MYH7B: variants seen among roughly 807,000 people sequenced by gnomAD.
MYH7B encodes myosin heavy chain 7B.
Under a neutral mutation model 234.5 loss-of-function variants are expected in MYH7B, and 205 were observed. The observed-to-expected ratio is 0.87, with a 90% CI of 0.78 to 0.98. MYH7B has a LOEUF of 0.98. Among genes scored for constraint, MYH7B ranks in the 50% least tolerant of loss-of-function variants. The pLI is 0.00. For missense variants in MYH7B, 2,652 were observed against 2,633.4 expected (o/e 1.01, Z -0.15); for synonymous variants, 1,193 against 1,105.0 (o/e 1.08, Z -1.58).
At position 34,984,954 on chromosome 20, in the gene MYH7B, G is replaced by C; in HGVS notation, c.741+8G>C. On this transcript the variant is annotated splice_region_variant and intron_variant, in intron 12 of 44. Transcript: ENST00000262873. ...GATAACTCCTCCCGCTTTGTGAGTG[G>C]CTGAGGTGGGAGGGGTGGCGGGGAT... is the stretch of plus-strand genomic sequence containing the variant. The C allele has an allele frequency of 6.2e-7, 1 of 1,612,848 alleles. No homozygotes were observed. Among genetic ancestry groups the C allele is most frequent in the Non-Finnish European group, 8.5e-7 (1 of 1,178,848 alleles).
In MYH7B at chr20:34,997,068, C is replaced by G. The variant is rs538809909; in HGVS notation, c.3267-15C>G. On this transcript the variant is annotated splice_polypyrimidine_tract_variant and intron_variant, in intron 30 of 44. Coordinates refer to ENST00000262873, the Ensembl canonical transcript of MYH7B. ...AGTTAAGGCCTGTGCTGGCCACCCA[C>G]TCTGTGGCTCCCAGGAAGGACTCCG... 1 of 1,547,856 alleles carries G rather than the reference C, an allele frequency of 6.5e-7. No individual in the cohort carries two copies. The highest frequency in any genetic ancestry group is 2.0e-5 in the Admixed American group (1 of 50,940).
At position 34,979,818 on chromosome 20, in the gene MYH7B, C is replaced by A. The variant is rs112112397; in HGVS notation, c.342+14C>A. Reference sequence around the variant, plus strand: ...TGGATGATCTATGTGAGCCCCAGGCCCGGGCCATGGGCGGGGTGGGGCTTG... The same window carrying A: ...TGGATGATCTATGTGAGCCCCAGGCACGGGCCATGGGCGGGGTGGGGCTTG... On this transcript the variant is annotated intron_variant, in intron 7 of 44. Coordinates refer to ENST00000262873, the Ensembl canonical transcript of MYH7B. 1.2e-5 allele frequency: 20 copies of A among 1,610,826 alleles called. No individual in the cohort carries two copies. Among genetic ancestry groups the A allele is most frequent in the Middle Eastern group, 1.6e-4 (1 of 6,068 alleles).
intron 16 of MYH7B, 68 bp from the exon 17 acceptor site, chr20:34,987,488 CT>C (rs1359439871): frequency 3.4e-5 from 49 of 1,461,968 alleles, no homozygotes; most frequent in Non-Finnish European, 1.9e-6. Flanking sequence ...TAGCCCCAGG[CT>C]GAGGCAGTAG....
At chr20:34,978,258 A>C (rs767877791) in intron 5 of MYH7B, among the ~76,000 whole-genome samples, 162 bp downstream of exon 5, 2 of 152,084 alleles carry the variant, frequency 1.3e-5, no homozygotes, top group Admixed American at 1.3e-4. Context: ...CTGGAAATTA[A>C]AACCCCAGGG....
chr20:34,979,376 T>C lies in MYH7B; in HGVS notation c.92-14T>C. On this transcript the variant is annotated splice_polypyrimidine_tract_variant and intron_variant, in intron 5 of 44. Coordinates refer to ENST00000262873, the Ensembl canonical transcript of MYH7B. The stretch of plus-strand genomic sequence containing the variant: ...CAGCCCCTCTCTGAGTCCAGAGCTC[T>C]CTCTGCAACCCAGGGAAGAAGCGAG... 1 of 1,602,664 alleles carries C rather than the reference T, an allele frequency of 6.2e-7. No homozygotes were observed. Among genetic ancestry groups the C allele is most frequent in the Non-Finnish European group, 8.5e-7 (1 of 1,172,522 alleles).
exon 25 of MYH7B, chr20:34,993,199 A>C: frequency 1.2e-6 from 2 of 1,613,826 alleles, no homozygotes; most frequent in Non-Finnish European, 1.7e-6. Flanking sequence ...CTTGGATCAC[A>C]CCCAGTACCA....
At chr20:34,976,993 G>A (rs1342796241) in intron 3 of MYH7B, among the ~76,000 whole-genome samples, 2 of 152,168 alleles carry the variant, frequency 1.3e-5, no homozygotes, top group African/African-American at 4.8e-5. Flanking sequence ...GAGTAGAGCC[G>A]AGGGGACACA....
At chr20:34,979,921 G>A (rs954525462) in intron 7 of MYH7B, 117 bp downstream of exon 7, 4 of 1,195,354 alleles carry the variant, frequency 3.3e-6, no homozygotes, top group Non-Finnish European at 3.5e-6. Flanking sequence ...GGTGGATCGG[G>A]GCTGTGAATG....
At chr20:34,986,853 C>T in intron 14 of MYH7B, 33 bp from the exon 15 acceptor site, 1 of 1,565,096 alleles carries the variant, frequency 6.4e-7, no homozygotes, top group Non-Finnish European at 8.8e-7. Flanking sequence ...GTAAGCACTG[C>T]CTGACCCTCC....
chr20:34,966,101 C>T (rs2081739185), intron 2 of MYH7B, among the ~76,000 whole-genome samples: 1 of 152,154 alleles, frequency 6.6e-6, no homozygotes, highest in South Asian at 2.1e-4. Flanking sequence ...GAATTCTTGG[C>T]TTCTGGCCCT....
chr20:34,997,123 G>A, exon 31 of MYH7B: 1 of 1,549,252 alleles, frequency 6.5e-7, no homozygotes, highest in Non-Finnish European at 8.7e-7. Context: ...GCGGGTGGAA[G>A]ACGAGCAGCT....
Position 34,979,458 on chromosome 20 carries a change from A to AC in MYH7B, c.162dup (p.Gly55ArgfsTer18). The AC allele has an allele frequency of 6.2e-7, 1 of 1,613,950 alleles. No individual in the cohort carries two copies. Among genetic ancestry groups the AC allele is most frequent in the Non-Finnish European group, 8.5e-7 (1 of 1,179,926 alleles). ...GGAGGCCGAGGTCAAGTCGGAGGCTACCGGGGGCAGAGTCACCGTGGAGAC... is the reference window on the plus strand; with the variant it reads ...GGAGGCCGAGGTCAAGTCGGAGGCTACCCGGGGGCAGAGTCACCGTGGAGAC... On this transcript the variant is annotated frameshift_variant, in exon 6 of 45. Coordinates refer to ENST00000262873, the Ensembl canonical transcript of MYH7B. LOFTEE classifies it high-confidence loss of function.
intron 19 of MYH7B, among the ~76,000 whole-genome samples, chr20:34,988,811 T>TCC (rs1569046152): frequency 1.5e-4 from 21 of 144,376 alleles, no homozygotes; most frequent in South Asian, 4.5e-4. Flanking sequence ...TATCCCTTTT[T>TCC]TTTTTTTTTT....
In MYH7B at chr20:34,987,285, AGAGT is replaced by A. The variant is rs775234041; in HGVS notation, c.1147+2_1147+5del. On this transcript the variant is annotated splice_donor_variant and coding_sequence_variant, in exon 16 of 45. Coordinates refer to ENST00000262873, the Ensembl canonical transcript of MYH7B. LOFTEE classifies it high-confidence loss of function. ...GAGCAGGCGGAGGCCGATGGCACTG[AGAGT>A]GAGGGGCCCTAACCTGGCCTTCAAC... The A allele has an allele frequency of 6.2e-7, 1 of 1,610,406 alleles. No individual in the cohort carries two copies. Among genetic ancestry groups the A allele is most frequent in the Non-Finnish European group, 8.5e-7 (1 of 1,179,820 alleles).
chr20:35,000,561 C>CG lies in MYH7B; in HGVS notation c.5053dup (p.Ala1685GlyfsTer75). On this transcript the variant is annotated frameshift_variant, in exon 39 of 45. Transcript: ENST00000262873. LOFTEE classifies it high-confidence loss of function. ...CGAGCAGGCGCAGGCTCTGGAGCGC[C>CG]GGGCCTCGCTGCTGGCTGCGGAGCT... is the stretch of plus-strand genomic sequence containing the variant. The CG allele has an allele frequency of 6.4e-7, 1 of 1,574,008 alleles. No homozygotes were observed. The highest frequency in any genetic ancestry group is 8.6e-7 in the Non-Finnish European group (1 of 1,165,884).
chr20:34,972,787 A>G (rs2081804644), intron 2 of MYH7B, among the ~76,000 whole-genome samples: 1 of 152,028 alleles, frequency 6.6e-6, no homozygotes, highest in Non-Finnish European at 1.5e-5. Flanking sequence ...GTGTACCATC[A>G]TGCCCAGCCA....
Position 34,999,333 on chromosome 20 carries a change from C to T in MYH7B, c.4468C>T (p.Arg1490Trp), listed in dbSNP as rs770251133. The change falls in exon 36 of 45, where the codon CGG (arginine) becomes TGG (tryptophan). Residue 1490 changes from arginine to tryptophan, a missense_variant. By Grantham distance (101) the Arg-to-Trp change is moderately radical. This residue lies in a region of MYH7B where 2,279 missense variants were observed against 2,211.4 expected (regional missense o/e 1.03). Coordinates refer to ENST00000262873, the Ensembl canonical transcript of MYH7B. ...CCGTGGCCTGGGCACCGAGCTCTTC[C>T]GGCTGCGGCACGGCCACGAGGAGGC... 2.8e-5 allele frequency: 44 copies of T among 1,564,450 alleles called. No individual in the cohort carries two copies. Among genetic ancestry groups the T allele is most frequent in the Middle Eastern group, 1.7e-4 (1 of 5,936 alleles).
chr20:34,984,720 G>T lies in MYH7B; in HGVS notation c.648+5G>T, dbSNP rs1159155589. 2 of 1,606,918 alleles carry T rather than the reference G, an allele frequency of 1.2e-6. No homozygotes were observed. Reference sequence around the variant, plus strand: ...TTTCTGGCAACAAAGACGGGGGTGAGTATGGGGCCAATGTCAATGGGGCAG... The same window carrying T: ...TTTCTGGCAACAAAGACGGGGGTGATTATGGGGCCAATGTCAATGGGGCAG... On this transcript the variant is annotated splice_donor_5th_base_variant and intron_variant, in intron 11 of 44. Coordinates refer to ENST00000262873, the Ensembl canonical transcript of MYH7B.
chr20:34,972,054 G>A (rs1338892056), intron 2 of MYH7B, among the ~76,000 whole-genome samples: 4 of 152,086 alleles, frequency 2.6e-5, no homozygotes, highest in Admixed American at 1.3e-4. Context: ...AGACCCATCC[G>A]CTCTCACCCG....
Sources: allele counts gnomAD v4.1 joint callset (sites outside exome capture counted in the v4.1 genomes callset), GRCh38; gene constraint gnomAD v4.1.1; regional missense constraint gnomAD v4.1.1; transcripts MANE v1.5; gene names NCBI Gene and HGNC (gene_info 2026-07-23, HGNC 2026-07-21).